Variants in PDZD9 observed in about 807,000 individuals in gnomAD.
PDZD9 encodes the protein PDZ domain-containing protein 9.
PDZD9 carries 13 observed loss-of-function variants against 16.3 expected under a neutral mutation model. That is an observed-to-expected ratio of 0.80 (90% CI 0.52 to 1.27). The LOEUF (loss-of-function observed/expected upper bound fraction) is 1.27, where lower values mean the gene tolerates loss of function less well. PDZD9 is among the 50% of genes most tolerant of loss of function. The probability of loss-of-function intolerance (pLI) is 0.00; values close to 1 mark genes in which losing one functional copy is unlikely to be tolerated. For missense variants in PDZD9, 288 were observed against 310.9 expected, an observed-to-expected ratio of 0.93 and a Z score of 0.55; for synonymous variants, 120 against 111.0, an observed-to-expected ratio of 1.08 and a Z score of -0.51.
intron 1 of PDZD9, 39 bp from the exon 2 acceptor site, chr16:21,996,540 A>G: frequency 6.7e-7 from 1 of 1,499,998 alleles, no homozygotes; most frequent in South Asian, 1.2e-5. Context: ...TCCTTCACCA[A>G]GACAGAAGCA....
At position 22,000,188 on chromosome 16, in the gene PDZD9, A is replaced by G. The variant is rs145048799; in HGVS notation, c.31+829T>C. On this transcript the variant is annotated intron_variant, in intron 1 of 3. Coordinates refer to ENST00000424898, the MANE Select transcript of PDZD9 (RefSeq NM_001363519.1). ...CACTGCACTCCAGCCTGAGCGACAG[A>G]ACAAGACTCTGTCTCTAAAAATAAA... Among the ~76,000 whole-genome samples, 455 of 152,340 alleles carry G rather than the reference A, an allele frequency of 3.0e-3. 3 individuals are homozygous for G. Among genetic ancestry groups the G allele is most frequent in the South Asian group, 0.017 (82 of 4,834 alleles).
the PDZD9 span, chr16:21,976,217 T>C: frequency 3.7e-6 from 6 of 1,613,886 alleles, no homozygotes; most frequent in Admixed American, 6.7e-5. Flanking sequence ...AAGGAAACCT[T>C]TCCAACACAG....
chr16:21,973,080 A>G, the PDZD9 span, among the ~76,000 whole-genome samples: 1 of 152,234 alleles, frequency 6.6e-6, no homozygotes, highest in Non-Finnish European at 1.5e-5. Context: ...AGCCTGGGTG[A>G]CAGAGCAAGA....
At chr16:21,963,041 T>G in the PDZD9 span, 1 of 988,186 alleles carries the variant, frequency 1.0e-6, no homozygotes, top group East Asian at 3.2e-5. Context: ...CAGGCTGGAG[T>G]GCAGTGGCAC....
downstream of PDZD9, chr16:21,980,490 GA>G (rs141408124): frequency 3.5e-4 from 506 of 1,444,512 alleles, no homozygotes; most frequent in Admixed American, 1.0e-3. Context: ...CCACCACTCA[GA>G]AAAAAAAAAT....
chr16:21,974,292 T>G, the PDZD9 span, among the ~76,000 whole-genome samples: 1 of 152,160 alleles, frequency 6.6e-6, no homozygotes, highest in African/African-American at 2.4e-5. Context: ...TTGCAAGTCT[T>G]CAGTGTAGAG....
At chr16:21,994,030 T>A (rs8056251) in intron 2 of PDZD9, among the ~76,000 whole-genome samples, 1 of 150,788 alleles carries the variant, frequency 6.6e-6, no homozygotes, top group South Asian at 2.1e-4. Flanking sequence ...TACAAAAAAA[T>A]AAAAAATAAA....
At chr16:21,982,222 C>T (rs1032004712), downstream of PDZD9, among the ~76,000 whole-genome samples, 3 of 151,994 alleles carry the variant, frequency 2.0e-5, no homozygotes, top group Admixed American at 6.6e-5. Context: ...CCACCACCAC[C>T]TCTCCTTCAT....
At chr16:21,998,599 C>T (rs1193842492) in intron 1 of PDZD9, among the ~76,000 whole-genome samples, 2 of 151,394 alleles carry the variant, frequency 1.3e-5, no homozygotes, top group Non-Finnish European at 1.5e-5. Context: ...GGCTGAGGCA[C>T]GAGAATCGCT....
chr16:21,967,629 G>A, the PDZD9 span, among the ~76,000 whole-genome samples: 6 of 152,048 alleles, frequency 3.9e-5, no homozygotes, highest in South Asian at 2.1e-4. Flanking sequence ...GTAGTTGGTC[G>A]GTTTTAAATA....
chr16:21,961,843 T>TG, the PDZD9 span, among the ~76,000 whole-genome samples: 6 of 151,324 alleles, frequency 4.0e-5, no homozygotes, highest in African/African-American at 1.5e-4. Flanking sequence ...GTAGAGACCA[T>TG]GGTTTCACCC....
At chr16:21,986,827 G>A (rs963665243) in intron 3 of PDZD9, among the ~76,000 whole-genome samples, 6 of 152,194 alleles carry the variant, frequency 3.9e-5, no homozygotes, top group Non-Finnish European at 8.8e-5. Context: ...ACCCCTTGGA[G>A]AAGTTACACT....
intron 2 of PDZD9, among the ~76,000 whole-genome samples, chr16:21,991,653 AC>A (rs1244131616): frequency 1.3e-5 from 2 of 152,168 alleles, no homozygotes; most frequent in African/African-American, 4.8e-5. Flanking sequence ...TCAAGGTGAA[AC>A]CCTATCCTGA....
At chr16:21,962,614 A>G in the PDZD9 span, 2 of 1,593,386 alleles carry the variant, frequency 1.3e-6, no homozygotes, top group Non-Finnish European at 1.7e-6. Context: ...TCTGACTTCC[A>G]TTTTGGATTA....
At chr16:21,992,128 CTG>C (rs1407634969) in intron 2 of PDZD9, among the ~76,000 whole-genome samples, 2 of 152,124 alleles carry the variant, frequency 1.3e-5, no homozygotes, top group African/African-American at 4.8e-5. Context: ...CTTTGGGAGA[CTG>C]AGGCAGGAGG....
At chr16:21,964,417 CCTT>C in the PDZD9 span, among the ~76,000 whole-genome samples, 1 of 152,072 alleles carries the variant, frequency 6.6e-6, no homozygotes, top group South Asian at 2.1e-4. Flanking sequence ...TGAAAGTAAG[CCTT>C]CTTATTATCT....
At chr16:21,967,756 G>A in the PDZD9 span, among the ~76,000 whole-genome samples, 2 of 152,134 alleles carry the variant, frequency 1.3e-5, no homozygotes, top group African/African-American at 2.4e-5. Flanking sequence ...TTACAGTTTC[G>A]ACACCCTGGT....
chr16:21,971,753 G>A, the PDZD9 span: 1 of 1,320,026 alleles, frequency 7.6e-7, no homozygotes, highest in East Asian at 2.4e-5. Flanking sequence ...CTTGGGTGTT[G>A]TATTTTGAGC....
At chr16:21,965,359 T>C in the PDZD9 span, 1 of 1,567,260 alleles carries the variant, frequency 6.4e-7, no homozygotes, top group Non-Finnish European at 8.8e-7. Flanking sequence ...AAAAATGTTG[T>C]CTTTACTGAA....
Sources: allele counts gnomAD v4.1 joint callset (sites outside exome capture counted in the v4.1 genomes callset), GRCh38; gene constraint gnomAD v4.1.1; transcripts MANE v1.5; gene names NCBI Gene and HGNC (gene_info 2026-07-23, HGNC 2026-07-21).